The following ZNF362 variants were observed in gnomAD, a reference collection of about 807,000 sequenced individuals.
ZNF362 encodes rotund homolog.
ZNF362 carries 11 observed loss-of-function variants against 42.9 expected under a neutral mutation model. The ratio of observed to expected loss-of-function variants is 0.26; its 90% CI spans 0.16 to 0.42. ZNF362 has a LOEUF of 0.42. ZNF362 is among the 20% of genes least tolerant of loss of function. ZNF362 has a pLI of 1.00. For synonymous variants in ZNF362, 255 were observed against 257.3 expected, an observed-to-expected ratio of 0.99 and a Z score of 0.09; for missense variants, 362 against 576.2, an observed-to-expected ratio of 0.63 and a Z score of 3.81.
At chr1:33,242,888 T>C in the ZNF362 span, among the ~76,000 whole-genome samples, 1 of 152,116 alleles carries the variant, frequency 6.6e-6, no homozygotes, top group East Asian at 1.9e-4. Flanking sequence ...ATATATGTCC[T>C]TCAAAAAACA....
intron 2 of ZNF362, 36 bp from the exon 3 acceptor site, chr1:33,276,064 G>A: frequency 1.2e-6 from 2 of 1,612,590 alleles, no homozygotes; most frequent in East Asian, 2.2e-5. Context: ...CTTGGGGAGG[G>A]CTCTCTTCCC....
chr1:33,172,557 G>T, the ZNF362 span, among the ~76,000 whole-genome samples: 10 of 152,276 alleles, frequency 6.6e-5, no homozygotes, highest in South Asian at 2.1e-3. Context: ...GCGGGGGTGG[G>T]CCGGGCAGGA....
the ZNF362 span, among the ~76,000 whole-genome samples, chr1:33,208,732 T>C: frequency 3.3e-5 from 5 of 151,532 alleles, no homozygotes; most frequent in South Asian, 1.0e-3. Flanking sequence ...CTCTCTGTTA[T>C]TGGTATATAG....
In ZNF362 at chr1:33,280,371, G is replaced by A. The variant is rs761745188; in HGVS notation, c.597G>A (p.Ala199=). 16 of 1,613,756 alleles carry A rather than the reference G, an allele frequency of 9.9e-6. No individual in the cohort carries two copies. Among genetic ancestry groups the A allele is most frequent in the South Asian group, 6.6e-5 (6 of 91,080 alleles). Residue 199 remains alanine, a synonymous_variant, in exon 5 of 9, where the codon GCG becomes GCA. Transcript: ENST00000539719. The surrounding 1 kb of genome is among the most constrained non-coding windows in gnomAD (Gnocchi z 5.6). The part of the protein sequence containing the change: ...KSERGRKKIK[A]ENPGGPPVLV... ...AACGCGGCCGCAAAAAGATCAAGGC[G>A]GAGAACCCGGGGGGTCCGCCTGTCC...
intron 2 of ZNF362, among the ~76,000 whole-genome samples, chr1:33,271,083 T>C (rs1278230827): frequency 6.6e-6 from 1 of 152,154 alleles, no homozygotes; most frequent in East Asian, 1.9e-4. Flanking sequence ...TCCTGTCCTT[T>C]CTAGTCCCCT....
the ZNF362 span, among the ~76,000 whole-genome samples, chr1:33,247,148 A>AT: frequency 1.3e-5 from 2 of 152,138 alleles, no homozygotes; most frequent in Admixed American, 6.5e-5. Context: ...CTGGTAACCC[A>AT]TTTTTTTCTG....
intron 1 of ZNF362, chr1:33,261,828 G>C (rs748185675): frequency 6.6e-6 from 1 of 152,382 alleles, no homozygotes; most frequent in South Asian, 2.1e-4. Flanking sequence ...CCAAGGCCAC[G>C]TGCATCTCTG....
intron 1 of ZNF362, among the ~76,000 whole-genome samples, chr1:33,267,486 A>G (rs1645872673): frequency 6.6e-6 from 1 of 152,080 alleles, no homozygotes; most frequent in Admixed American, 6.5e-5. Flanking sequence ...TTGTTGTATC[A>G]CAAGTATTTT....
chr1:33,271,680 G>A (rs549309265), intron 2 of ZNF362, among the ~76,000 whole-genome samples: 126 of 152,346 alleles, frequency 8.3e-4, no homozygotes, highest in Admixed American at 2.6e-3. Flanking sequence ...TGGGTGTGAG[G>A]TGAGTGGGGA....
At chr1:33,201,260 C>T in the ZNF362 span, among the ~76,000 whole-genome samples, 1 of 152,132 alleles carries the variant, frequency 6.6e-6, no homozygotes, top group South Asian at 2.1e-4. Flanking sequence ...AGTAAAGATA[C>T]AGGAGTTGAA....
the ZNF362 span, among the ~76,000 whole-genome samples, chr1:33,230,955 G>A: frequency 0.026 from 3,950 of 152,260 alleles, 172 homozygotes; most frequent in African/African-American, 0.09. Flanking sequence ...TCAACAAGAA[G>A]AATGACTTTG....
chr1:33,251,024 T>C, the ZNF362 span, among the ~76,000 whole-genome samples: 1 of 151,948 alleles, frequency 6.6e-6, no homozygotes, highest in African/African-American at 2.4e-5. Flanking sequence ...TAAGCCGACA[T>C]GAGAGAGGAG....
the ZNF362 span, among the ~76,000 whole-genome samples, chr1:33,224,545 TAAC>T: frequency 6.6e-6 from 1 of 152,164 alleles, no homozygotes; most frequent in Non-Finnish European, 1.5e-5. Context: ...CTATAAGAGA[TAAC>T]AATGTAAGAG....
chr1:33,149,730 T>C, the ZNF362 span, among the ~76,000 whole-genome samples: 1 of 152,222 alleles, frequency 6.6e-6, no homozygotes, highest in African/African-American at 2.4e-5. Context: ...GCTGGGATTA[T>C]AGGTGTGAGC....
the ZNF362 span, among the ~76,000 whole-genome samples, chr1:33,233,239 A>G: frequency 6.6e-6 from 1 of 152,154 alleles, no homozygotes. Context: ...TCTGCCTAAG[A>G]TAGTCTATTT....
chr1:33,297,566 C>T (rs2148144388), intron 8 of ZNF362, among the ~76,000 whole-genome samples: 1 of 124,472 alleles, frequency 8.0e-6, no homozygotes, highest in South Asian at 2.5e-4. Flanking sequence ...AGGTGGAGTG[C>T]AGTGGCACAG....
chr1:33,280,492 T>TTGGGGC lies in ZNF362; in HGVS notation c.683+43_683+48dup. ...TTGGCGGGATGGGGTCCGAGTGGGC[T>TTGGGGC]TGGGGCTGGGGCTTGAGCCAGGGCT... On this transcript the variant is annotated intron_variant, in intron 5 of 8. Coordinates refer to ENST00000539719, the MANE Select transcript of ZNF362 (RefSeq NM_152493.3). This position sits in a 1 kb window ranked among gnomAD's most constrained non-coding sequence, Gnocchi z 5.6. 6.6e-7 allele frequency: 1 copy of TTGGGGC among 1,514,716 alleles called. No individual in the cohort carries two copies. Among genetic ancestry groups the TTGGGGC allele is most frequent in the South Asian group, 1.3e-5 (1 of 77,546 alleles). 93.8% of individuals were successfully genotyped at this position (1,514,716 alleles called of 1,614,324 possible). A position where few individuals can be genotyped will look rare whatever the true frequency, so the allele number is the denominator to read the frequency against.
chr1:33,265,541 G>A (rs1374794533), intron 1 of ZNF362, among the ~76,000 whole-genome samples: 1 of 152,076 alleles, frequency 6.6e-6, no homozygotes, highest in Non-Finnish European at 1.5e-5. Context: ...TGTTTCTGGT[G>A]CTGGCCAGGA....
chr1:33,147,604 A>T, the ZNF362 span: 3 of 1,614,076 alleles, frequency 1.9e-6, no homozygotes, highest in Middle Eastern at 1.6e-4. This position sits in a 1 kb window ranked among gnomAD's most constrained non-coding sequence, Gnocchi z 8.1. Flanking sequence ...CTCCACATCG[A>T]AGCGCTTTGG....
Sources: allele counts gnomAD v4.1 joint callset (sites outside exome capture counted in the v4.1 genomes callset), GRCh38; gene constraint gnomAD v4.1.1; non-coding constraint Gnocchi (gnomAD v3.1); transcripts MANE v1.5; gene names NCBI Gene and HGNC (gene_info 2026-07-23, HGNC 2026-07-21).